Variants in ADGRL2 observed in about 807,000 individuals in gnomAD.
The protein encoded by ADGRL2 is calcium-independent alpha-latrotoxin receptor 2.
Under a neutral mutation model 157.4 loss-of-function variants are expected in ADGRL2, and 44 were observed. That is an observed-to-expected ratio of 0.28 (90% CI 0.22 to 0.36). The LOEUF is 0.36. Ranked by LOEUF, ADGRL2 falls within the 10% of genes least tolerant of loss-of-function variation. The pLI, the probability that ADGRL2 is intolerant of heterozygous loss-of-function variation, is 1.00. For synonymous variants in ADGRL2, 585 were observed against 624.7 expected (o/e 0.94, Z 0.95); for missense variants, 1,510 against 1,768.9 (o/e 0.85, Z 2.63).
intron 11 of ADGRL2, among the ~76,000 whole-genome samples, chr1:81,961,169 A>G (rs1011855535): frequency 6.6e-6 from 1 of 152,202 alleles, no homozygotes; most frequent in African/African-American, 2.4e-5. Context: ...AACCAAGTGT[A>G]TTCATGTTCA....
At chr1:81,330,064 A>G (rs1477043262) in intron 1 of ADGRL2, among the ~76,000 whole-genome samples, 1 of 152,138 alleles carries the variant, frequency 6.6e-6, no homozygotes, top group Non-Finnish European at 1.5e-5. Flanking sequence ...TCGGTCATCC[A>G]AGAGGCTTTT....
chr1:81,414,970 C>G (rs2077008911), intron 1 of ADGRL2, among the ~76,000 whole-genome samples: 2 of 152,116 alleles, frequency 1.3e-5, no homozygotes, highest in Non-Finnish European at 2.9e-5. Flanking sequence ...TCATAAGACA[C>G]CTGCATCTCT....
At chr1:81,730,528 GC>G (rs1379417129) in intron 1 of ADGRL2, among the ~76,000 whole-genome samples, 2 of 152,116 alleles carry the variant, frequency 1.3e-5, no homozygotes, top group Non-Finnish European at 2.9e-5. Context: ...TTCGCGACCA[GC>G]CTAGCCAACA....
chr1:81,878,057 T>A (rs1330446019), intron 2 of ADGRL2, among the ~76,000 whole-genome samples: 1 of 152,170 alleles, frequency 6.6e-6, no homozygotes, highest in East Asian at 1.9e-4. Context: ...GAATAAACAT[T>A]TATAGTTTCT....
At chr1:81,695,985 T>A (rs1005594762), upstream of ADGRL2, among the ~76,000 whole-genome samples, 2 of 152,164 alleles carry the variant, frequency 1.3e-5, no homozygotes, top group African/African-American at 4.8e-5. Flanking sequence ...GTTTGTAATT[T>A]ATTATAGAGA....
intron 2 of ADGRL2, among the ~76,000 whole-genome samples, chr1:81,906,668 T>TTCATTCCATTGCACAAATGAAAA (rs577027861): frequency 1.5e-3 from 222 of 152,328 alleles, no homozygotes; most frequent in African/African-American, 5.2e-3. Context: ...ATGAAAATTC[T>TTCATTCCATTGCACAAATGAAAA]TTCTTGATTA....
intron 2 of ADGRL2, among the ~76,000 whole-genome samples, chr1:81,477,647 T>C (rs12040612): frequency 0.051 from 7,695 of 152,278 alleles, 254 homozygotes; most frequent in Middle Eastern, 0.099. Context: ...GTTAGTTTAT[T>C]AATCCTGTAA....
chr1:81,591,627 T>A (rs1027616601), intron 3 of ADGRL2, among the ~76,000 whole-genome samples: 5 of 152,148 alleles, frequency 3.3e-5, no homozygotes, highest in African/African-American at 1.2e-4. Flanking sequence ...GCTGGCTTTG[T>A]GACTTATGTT....
chr1:81,329,589 T>A (rs1661134455), intron 1 of ADGRL2, among the ~76,000 whole-genome samples: 5 of 152,206 alleles, frequency 3.3e-5, no homozygotes, highest in Admixed American at 3.3e-4. Context: ...CTAAGATCTT[T>A]TAGCTTCATA....
intron 1 of ADGRL2, among the ~76,000 whole-genome samples, chr1:81,353,058 G>A (rs770049629): frequency 1.1e-4 from 16 of 152,126 alleles, no homozygotes; most frequent in Non-Finnish European, 1.6e-4. Flanking sequence ...CTACATAGTG[G>A]GCAATATTCT....
At chr1:81,922,096 G>A (rs1332192614) in intron 3 of ADGRL2, among the ~76,000 whole-genome samples, 1 of 152,162 alleles carries the variant, frequency 6.6e-6, no homozygotes, top group African/African-American at 2.4e-5. Context: ...AAGAAGAGGA[G>A]ATAATGTACA....
intron 3 of ADGRL2, among the ~76,000 whole-genome samples, chr1:81,657,033 A>C (rs2082549676): frequency 1.4e-5 from 2 of 148,010 alleles, no homozygotes; most frequent in African/African-American, 5.0e-5. Context: ...AAAAAAATTC[A>C]GAAAGCCATG....
At chr1:81,560,954 G>A (rs1040858067) in intron 2 of ADGRL2, among the ~76,000 whole-genome samples, 14 of 151,822 alleles carry the variant, frequency 9.2e-5, no homozygotes, top group African/African-American at 1.9e-4. Context: ...ACACAATCCC[G>A]CCTTAGAGAT....
At chr1:81,412,968 T>A (rs978068811) in intron 1 of ADGRL2, among the ~76,000 whole-genome samples, 1 of 152,370 alleles carries the variant, frequency 6.6e-6, no homozygotes, top group East Asian at 1.9e-4. Flanking sequence ...TGGCCATTAA[T>A]GATGACTCAG....
chr1:81,777,846 C>A (rs896244949), intron 2 of ADGRL2, among the ~76,000 whole-genome samples: 38 of 152,182 alleles, frequency 2.5e-4, no homozygotes, highest in African/African-American at 8.4e-4. Context: ...TAACCTATGA[C>A]CTATTTTTAA....
intron 2 of ADGRL2, among the ~76,000 whole-genome samples, chr1:81,767,904 T>C (rs986250807): frequency 6.7e-6 from 1 of 149,854 alleles, no homozygotes; most frequent in Non-Finnish European, 1.5e-5. Flanking sequence ...TCATGGAGTA[T>C]GAAAAATTTC....
Position 81,320,734 on chromosome 1 carries a change from T to C in ADGRL2, c.-302+14225T>C, listed in dbSNP as rs75622668. Among the ~76,000 whole-genome samples the C allele has an allele frequency of 6.3e-3, 965 of 152,344 alleles. 6 individuals carry two copies. Among genetic ancestry groups the C allele is most frequent in the Non-Finnish European group, 9.6e-3 (650 of 68,034 alleles). On this transcript the variant is annotated intron_variant, in intron 1 of 24. Transcript: ENST00000370721. Reference sequence around the variant, plus strand: ...CATGCTGTAAGCAGACATGCTGTCATCCAGGCTTTGTCATTTCATTTATAG... The same window carrying C: ...CATGCTGTAAGCAGACATGCTGTCACCCAGGCTTTGTCATTTCATTTATAG...
At chr1:81,885,170 T>A (rs1279407248) in intron 2 of ADGRL2, among the ~76,000 whole-genome samples, 1 of 152,206 alleles carries the variant, frequency 6.6e-6, no homozygotes, top group Non-Finnish European at 1.5e-5. Flanking sequence ...GGAAAACTGT[T>A]TTTAGCTGGT....
At chr1:81,521,961 C>CT (rs1350142197) in intron 2 of ADGRL2, among the ~76,000 whole-genome samples, 1,611 of 142,570 alleles carry the variant, frequency 0.011, 34 homozygotes, top group African/African-American at 0.043. Context: ...AATAAATGTA[C>CT]TTTTTGTTTT....
Sources: gnomAD v4.1 joint callset for allele counts (sites outside exome capture counted in the v4.1 genomes callset) on GRCh38, gnomAD v4.1.1 for gene constraint, MANE v1.5 for transcripts, NCBI Gene and HGNC (gene_info 2026-07-23, HGNC 2026-07-21) for gene names.